Variants in WWOX observed in about 807,000 individuals in gnomAD.
WWOX encodes the protein WW domain containing oxidoreductase, also known as WW domain-containing oxidoreductase.
A neutral mutation model predicts 46.2 loss-of-function variants in WWOX; 69 were observed. The observed-to-expected ratio is 1.49, with a 90% confidence interval of 1.23 to 1.82. The LOEUF (loss-of-function observed/expected upper bound fraction) is 1.82. WWOX is among the 40% of genes most tolerant of loss of function. The pLI is 0.00. For synonymous variants in WWOX, 359 were observed against 202.6 expected (o/e 1.77, Z -6.56); for missense variants, 919 against 542.6 (o/e 1.69, Z -6.89).
chr16:78,422,756 T>TATATACACATATATATAC lies in WWOX; in HGVS notation c.606-2113_606-2112insTATACACATATATATACA, dbSNP rs1279632567. Among the ~76,000 whole-genome samples, 3 of 103,996 alleles carry TATATACACATATATATAC rather than the reference T, an allele frequency of 2.9e-5. 1 individual carries two copies. Among genetic ancestry groups the TATATACACATATATATAC allele is most frequent in the African/African-American group, 2.0e-4 (3 of 15,068 alleles). 68.2% of individuals were successfully genotyped at this position (103,996 alleles called of 152,430 possible). ...ACACACACATATATATACACATATA[T>TATATACACATATATATAC]ACACATATATATACACACATATATA... On this transcript the variant is annotated intron_variant, in intron 6 of 8. Transcript: ENST00000566780.
intron 8 of WWOX, among the ~76,000 whole-genome samples, chr16:78,976,535 A>G (rs1449314140): frequency 6.6e-6 from 1 of 152,194 alleles, no homozygotes; most frequent in Admixed American, 6.5e-5. Context: ...AGTTGCATGC[A>G]CTTTGCCATC....
At chr16:78,389,379 G>A (rs1022087998) in intron 6 of WWOX, among the ~76,000 whole-genome samples, 2 of 152,168 alleles carry the variant, frequency 1.3e-5, no homozygotes, top group Non-Finnish European at 2.9e-5. Context: ...GGCCCTGGAA[G>A]CCACAGTAAC....
intron 4 of WWOX, among the ~76,000 whole-genome samples, chr16:78,162,038 T>A (rs2034812234): frequency 6.6e-6 from 1 of 152,192 alleles, no homozygotes; most frequent in African/African-American, 2.4e-5. Context: ...TTTGTTACTT[T>A]CTGCATCTCT....
At chr16:78,638,973 G>T (rs1597381496) in intron 8 of WWOX, among the ~76,000 whole-genome samples, 1 of 152,168 alleles carries the variant, frequency 6.6e-6, no homozygotes, top group East Asian at 1.9e-4. Flanking sequence ...GGTAGTGGGG[G>T]CTTAATTTCC....
intron 8 of WWOX, among the ~76,000 whole-genome samples, chr16:79,072,210 T>C (rs2048564358): frequency 6.6e-6 from 1 of 152,088 alleles, no homozygotes; most frequent in African/African-American, 2.4e-5. Context: ...TGCTTGAGCC[T>C]AGGGGGTTGA....
chr16:78,524,722 A>C (rs2043422185), intron 8 of WWOX, among the ~76,000 whole-genome samples: 2 of 151,276 alleles, frequency 1.3e-5, no homozygotes, highest in African/African-American at 2.4e-5. Flanking sequence ...CCCAGCCTGT[A>C]TTTATCTTTT....
At chr16:78,918,923 A>T (rs1306615936) in intron 8 of WWOX, among the ~76,000 whole-genome samples, 1 of 152,112 alleles carries the variant, frequency 6.6e-6, no homozygotes, top group South Asian at 2.1e-4. Flanking sequence ...AGGAGTTGTT[A>T]TTGTGGTTAC....
At chr16:78,916,215 C>T (rs1435095337) in intron 8 of WWOX, among the ~76,000 whole-genome samples, 2 of 152,120 alleles carry the variant, frequency 1.3e-5, no homozygotes, top group Non-Finnish European at 2.9e-5. Context: ...AGGGAGGAAG[C>T]GACATGTTAA....
At chr16:78,263,051 T>C (rs1005250302) in intron 5 of WWOX, among the ~76,000 whole-genome samples, 1 of 152,178 alleles carries the variant, frequency 6.6e-6, no homozygotes, top group Non-Finnish European at 1.5e-5. Flanking sequence ...ATTGGTCTTC[T>C]TGGGCATCCG....
At chr16:78,299,643 T>C (rs573416169) in intron 5 of WWOX, among the ~76,000 whole-genome samples, 3 of 151,698 alleles carry the variant, frequency 2.0e-5, no homozygotes, top group Admixed American at 6.6e-5. Flanking sequence ...TCCTCCCACC[T>C]CAGCCTCCCA....
intron 8 of WWOX, among the ~76,000 whole-genome samples, chr16:78,858,270 G>T (rs2052615405): frequency 6.7e-6 from 1 of 148,776 alleles, no homozygotes; most frequent in Admixed American, 6.7e-5. Context: ...CGATTTATCA[G>T]ATTTCAGTGT....
At chr16:78,916,864 GTTCA>G (rs1295755247) in intron 8 of WWOX, among the ~76,000 whole-genome samples, 1 of 152,210 alleles carries the variant, frequency 6.6e-6, no homozygotes, top group East Asian at 1.9e-4. Context: ...TAGAAGAAAT[GTTCA>G]TTCAAACAGG....
At chr16:78,107,583 A>G (rs1197095045) in intron 1 of WWOX, among the ~76,000 whole-genome samples, 1 of 151,778 alleles carries the variant, frequency 6.6e-6, no homozygotes, top group Non-Finnish European at 1.5e-5. Flanking sequence ...TAGATGCCCT[A>G]TGGGAAGGTC....
At chr16:78,900,847 GAAA>G (rs71979088) in intron 8 of WWOX, among the ~76,000 whole-genome samples, 3 of 140,588 alleles carry the variant, frequency 2.1e-5, no homozygotes, top group African/African-American at 7.8e-5. Flanking sequence ...GCCTTTTTTT[GAAA>G]AAAAAAAAAA....
chr16:78,179,762 T>C (rs2035470085), intron 5 of WWOX: 1 of 152,218 alleles, frequency 6.6e-6, no homozygotes, highest in Non-Finnish European at 1.5e-5. Context: ...GCCACAGGGA[T>C]GTCTAGGTTC....
chr16:79,024,460 GT>G (rs1172345174), intron 8 of WWOX, among the ~76,000 whole-genome samples: 1 of 151,974 alleles, frequency 6.6e-6, no homozygotes, highest in Non-Finnish European at 1.5e-5. Flanking sequence ...TTGAGACGGA[GT>G]TTTGCTCTGT....
chr16:78,452,301 AT>A (rs917799626), intron 8 of WWOX, among the ~76,000 whole-genome samples: 10 of 151,286 alleles, frequency 6.6e-5, no homozygotes, highest in South Asian at 4.2e-4. Context: ...GATTTTTTCA[AT>A]TTTTTTTTAC....
At chr16:79,202,134 C>T (rs1402838412) in intron 8 of WWOX, among the ~76,000 whole-genome samples, 1 of 152,172 alleles carries the variant, frequency 6.6e-6, no homozygotes, top group Non-Finnish European at 1.5e-5. Context: ...GCTTTCACAA[C>T]AATAGCAGAG....
chr16:79,129,028 A>C (rs1377691399), intron 8 of WWOX, among the ~76,000 whole-genome samples: 1 of 152,196 alleles, frequency 6.6e-6, no homozygotes, highest in Non-Finnish European at 1.5e-5. Flanking sequence ...CAACAGTCCA[A>C]GTTCATTGTC....
Sources: gnomAD v4.1 joint callset for allele counts (sites outside exome capture counted in the v4.1 genomes callset) on GRCh38, gnomAD v4.1.1 for gene constraint, MANE v1.5 for transcripts, NCBI Gene and HGNC (gene_info 2026-07-23, HGNC 2026-07-21) for gene names.